TMEM74: variants seen among roughly 807,000 people sequenced by gnomAD.
The protein encoded by TMEM74 is transmembrane protein 74.
In TMEM74, 13 loss-of-function variants were observed where a neutral mutation model predicts 18.1. That is an observed-to-expected ratio of 0.72 (90% CI 0.47 to 1.14). TMEM74 has a LOEUF of 1.14. TMEM74 is among the 50% of genes most tolerant of loss of function. The pLI is 0.00. For missense variants in TMEM74, 372 were observed against 375.9 expected (o/e 0.99, Z 0.09); for synonymous variants, 159 against 146.6 (o/e 1.08, Z -0.61).
At chr8:108,659,616 C>T (rs1434250250) in intron 1 of TMEM74, among the ~76,000 whole-genome samples, 3 of 152,142 alleles carry the variant, frequency 2.0e-5, no homozygotes, top group African/African-American at 7.2e-5. Flanking sequence ...CACTCAAAGA[C>T]TTCTTATACA....
At chr8:108,775,507 G>A (rs571731344), downstream of TMEM74, among the ~76,000 whole-genome samples, 1 of 152,230 alleles carries the variant, frequency 6.6e-6, no homozygotes, top group African/African-American at 2.4e-5. Context: ...GCTCCCATCA[G>A]TTCCGTGTGC....
intron 2 of TMEM74, among the ~76,000 whole-genome samples, chr8:108,647,561 A>G (rs1198009218): frequency 2.0e-5 from 3 of 152,166 alleles, no homozygotes; most frequent in African/African-American, 7.2e-5. Flanking sequence ...TCACTAAGTA[A>G]AGAAATCTAT....
chr8:108,736,589 C>T (rs1350109159), intron 1 of TMEM74, among the ~76,000 whole-genome samples: 1 of 151,770 alleles, frequency 6.6e-6, no homozygotes, highest in African/African-American at 2.4e-5. Context: ...AGAAAAATAG[C>T]AAGTTGATGA....
At chr8:108,758,973 T>G (rs1393712148) in intron 1 of TMEM74, among the ~76,000 whole-genome samples, 1 of 152,112 alleles carries the variant, frequency 6.6e-6, no homozygotes, top group Non-Finnish European at 1.5e-5. Flanking sequence ...CTACATGATT[T>G]ATATAATGCT....
intron 2 of TMEM74, among the ~76,000 whole-genome samples, chr8:108,635,300 C>CCCAGGCTTTCCA (rs1435217979): frequency 6.6e-6 from 1 of 151,766 alleles, no homozygotes. Context: ...CTGATGTTCT[C>CCCAGGCTTTCCA]CCAGGCTTTC....
intron 1 of TMEM74, among the ~76,000 whole-genome samples, chr8:108,747,236 C>CTGTGTG (rs111291163): frequency 7.3e-5 from 11 of 150,766 alleles, no homozygotes; most frequent in African/African-American, 2.4e-4. Flanking sequence ...GGGAATTGGC[C>CTGTGTG]TGTGTGTGTG....
intron 1 of TMEM74, among the ~76,000 whole-genome samples, chr8:108,680,457 A>C (rs1586258468): frequency 2.0e-5 from 3 of 152,330 alleles, no homozygotes; most frequent in East Asian, 3.9e-4. Context: ...CCTTTGACAA[A>C]ATTCAACAAC....
intron 2 of TMEM74, among the ~76,000 whole-genome samples, chr8:108,634,433 C>T (rs1169771798): frequency 6.6e-6 from 1 of 152,004 alleles, no homozygotes; most frequent in Non-Finnish European, 1.5e-5. Context: ...TCTCCCAACA[C>T]TGTACATTAG....
intron 1 of TMEM74, among the ~76,000 whole-genome samples, chr8:108,658,813 A>C (rs1424131556): frequency 6.6e-6 from 1 of 152,214 alleles, no homozygotes; most frequent in African/African-American, 2.4e-5. Flanking sequence ...TTAGAAAAAC[A>C]TAGGTAGTTA....
Position 108,687,475 on chromosome 8 carries a change from C to T in TMEM74, n.120-32038G>A, listed in dbSNP as rs1215233418. Among the ~76,000 whole-genome samples the T allele has an allele frequency of 2.6e-5, 4 of 151,956 alleles. No individual in the cohort carries two copies. The East Asian group carries it at 5.8e-4, about 22-fold the overall frequency. On this transcript the variant is annotated intron_variant and non_coding_transcript_variant, in intron 1 of 3. Coordinates refer to the TMEM74 transcript ENST00000518838. ...AAGGCAATTTTGTCACGGACAGGGT[C>T]GAGGATGTTTTCGGGATGATTCAAG...
chr8:108,710,789 G>T (rs1382390705), intron 1 of TMEM74, among the ~76,000 whole-genome samples: 1 of 152,132 alleles, frequency 6.6e-6, no homozygotes, highest in Non-Finnish European at 1.5e-5. Context: ...CATCTGCAAA[G>T]ACACACAGCT....
Position 108,784,271 on chromosome 8 carries a change from AC to A in TMEM74, c.827del (p.Gly276ValfsTer7). 1 of 1,614,190 alleles carries A rather than the reference AC, an allele frequency of 6.2e-7. No individual in the cohort carries two copies. Among genetic ancestry groups the A allele is most frequent in the Non-Finnish European group, 8.5e-7 (1 of 1,180,038 alleles). The stretch of plus-strand genomic sequence containing the variant: ...TGGTTTTCATCCTGAAGTTGAAAGA[AC>A]CATAGAGTTTTGCAGACTCTTTGGA... ...ASSKESAKLYGSFNFRMKTST... is the reference protein window; with the variant it reads ...ASSKESAKLYXSFNFRMKTST... On this transcript the variant is annotated frameshift_variant, in exon 2 of 2. Transcript: ENST00000297459. LOFTEE classifies it high-confidence loss of function.
At chr8:108,726,553 A>G (rs1168693339) in intron 1 of TMEM74, among the ~76,000 whole-genome samples, 1 of 152,204 alleles carries the variant, frequency 6.6e-6, no homozygotes, top group African/African-American at 2.4e-5. Context: ...TTTGGTGATC[A>G]AATAAGTGTA....
intron 1 of TMEM74, among the ~76,000 whole-genome samples, chr8:108,748,134 G>T (rs878866623): frequency 6.6e-6 from 1 of 152,018 alleles, no homozygotes; most frequent in East Asian, 1.9e-4. Context: ...TTGAGGAATC[G>T]CCACACTGTC....
intron 1 of TMEM74, among the ~76,000 whole-genome samples, chr8:108,693,852 T>C (rs747684868): frequency 6.6e-6 from 1 of 152,208 alleles, no homozygotes; most frequent in Non-Finnish European, 1.5e-5. Flanking sequence ...TCTAATCTTA[T>C]CCCTGGAAAT....
intron 1 of TMEM74, among the ~76,000 whole-genome samples, chr8:108,761,247 C>A (rs1814040656): frequency 6.6e-6 from 1 of 152,032 alleles, no homozygotes; most frequent in Admixed American, 6.6e-5. Flanking sequence ...GGATTATCCA[C>A]TTACTTGATC....
At chr8:108,733,557 A>G (rs1358239926) in intron 1 of TMEM74, among the ~76,000 whole-genome samples, 1 of 152,184 alleles carries the variant, frequency 6.6e-6, no homozygotes, top group Non-Finnish European at 1.5e-5. Flanking sequence ...GCATGTCTTG[A>G]TAACAATGTA....
chr8:108,629,232 C>A (rs1488891157), intron 2 of TMEM74, among the ~76,000 whole-genome samples: 3 of 151,866 alleles, frequency 2.0e-5, no homozygotes, highest in African/African-American at 7.3e-5. Flanking sequence ...GAAAGGATAT[C>A]AGAGATTGAA....
intron 2 of TMEM74, among the ~76,000 whole-genome samples, chr8:108,654,045 A>T (rs916731201): frequency 1.3e-5 from 2 of 152,188 alleles, no homozygotes; most frequent in African/African-American, 4.8e-5. Flanking sequence ...AAAAGCAAAC[A>T]GTGGTTGAAG....
Sources: gnomAD v4.1 joint callset for allele counts (sites outside exome capture counted in the v4.1 genomes callset) on GRCh38, gnomAD v4.1.1 for gene constraint, MANE v1.5 for transcripts, NCBI Gene and HGNC (gene_info 2026-07-23, HGNC 2026-07-21) for gene names.